The following PSMF1 variants were observed in gnomAD, a reference collection of about 807,000 sequenced individuals.
The protein encoded by PSMF1 is proteasome inhibitor subunit 1.
A neutral mutation model predicts 29.3 loss-of-function variants in PSMF1; 30 were observed. That is an observed-to-expected ratio of 1.02 (90% confidence interval 0.77 to 1.39). The LOEUF (loss-of-function observed/expected upper bound fraction) is 1.39. Ranked by LOEUF, PSMF1 falls within the 40% of genes most tolerant of loss-of-function variation. PSMF1 has a pLI of 0.00. For synonymous variants in PSMF1, 134 were observed against 139.7 expected, an observed-to-expected ratio of 0.96 and a Z score of 0.29; for missense variants, 344 against 357.5, an observed-to-expected ratio of 0.96 and a Z score of 0.31.
At chr20:1,143,528 A>G (rs767052129) in intron 4 of PSMF1, among the ~76,000 whole-genome samples, 11 of 152,234 alleles carry the variant, frequency 7.2e-5, no homozygotes, top group Non-Finnish European at 1.6e-4. Context: ...CAGCACTCCT[A>G]GAAGAAAACA....
intron 4 of PSMF1, chr20:1,161,437 T>G: frequency 2.3e-6 from 1 of 441,776 alleles, no homozygotes; most frequent in South Asian, 3.0e-5. Flanking sequence ...GATGTGGGCA[T>G]CCACAAGGAC....
Position 1,135,256 on chromosome 20 carries a change from C to T in PSMF1, c.501C>T (p.Asp167=). ...EFPPATAREV[D]PLRIPPHHPH... ...CCCCTGCTACCGCCAGAGAGGTGGA[C>T]CCACTCCGGATTCCTCCACACCACC... Residue 167 remains aspartate (D), a synonymous_variant, in exon 4 of 7, where the codon GAC becomes GAT. Transcript: ENST00000335877. The T allele has an allele frequency of 6.2e-7, 1 of 1,613,958 alleles. No individual in the cohort carries two copies. Among genetic ancestry groups the T allele is most frequent in the Non-Finnish European group, 8.5e-7 (1 of 1,179,924 alleles).
At chr20:1,134,636 T>G (rs1184981571) in intron 3 of PSMF1, among the ~76,000 whole-genome samples, 1 of 152,094 alleles carries the variant, frequency 6.6e-6, no homozygotes, top group Non-Finnish European at 1.5e-5. Flanking sequence ...GGACAGGTGG[T>G]AGGGGCAGCC....
At chr20:1,147,863 G>A (rs1310549532) in intron 4 of PSMF1, among the ~76,000 whole-genome samples, 1 of 152,168 alleles carries the variant, frequency 6.6e-6, no homozygotes, top group Non-Finnish European at 1.5e-5. Flanking sequence ...AGTTTTGGGG[G>A]GAGGCCACAG....
At chr20:1,127,562 A>G in intron 3 of PSMF1, 54 bp downstream of exon 3, 2 of 1,404,536 alleles carry the variant, frequency 1.4e-6, no homozygotes, top group Non-Finnish European at 2.0e-6. Flanking sequence ...ACTAATGGCA[A>G]GATATGAGGA....
At chr20:1,116,369 C>G (rs1435715502), upstream of PSMF1, among the ~76,000 whole-genome samples, 4 of 152,218 alleles carry the variant, frequency 2.6e-5, no homozygotes, top group Non-Finnish European at 5.9e-5. Flanking sequence ...TCCACAGCCA[C>G]TAGCTTTAGT....
chr20:1,149,110 T>A (rs2086492674), intron 4 of PSMF1, among the ~76,000 whole-genome samples: 1 of 152,262 alleles, frequency 6.6e-6, no homozygotes, highest in Non-Finnish European at 1.5e-5. Context: ...CATTTCTGCT[T>A]CTGCATTCAG....
At chr20:1,116,534 G>A (rs1257700350), upstream of PSMF1, among the ~76,000 whole-genome samples, 1 of 152,250 alleles carries the variant, frequency 6.6e-6, no homozygotes, top group African/African-American at 2.4e-5. Flanking sequence ...GGGAGTGATG[G>A]ACTATAAAGA....
chr20:1,145,090 C>T (rs150503749), intron 4 of PSMF1, among the ~76,000 whole-genome samples: 47 of 152,194 alleles, frequency 3.1e-4, no homozygotes, highest in African/African-American at 1.1e-3. Context: ...TTCACCATGT[C>T]GGGCAGGCTG....
Position 1,163,024 on chromosome 20 carries a change from G to T in PSMF1, c.552-106G>T. 8.4e-7 allele frequency: 1 copy of T among 1,187,604 alleles called. No homozygotes were observed. The highest frequency in any genetic ancestry group is 1.9e-5 in the Admixed American group (1 of 51,788). 73.6% of individuals were successfully genotyped at this position (1,187,604 alleles called of 1,614,324 possible). ...ACCCTGAAATATCCCTTGTGCTATG[G>T]TCTCATGCAAGGGTTTCCCATGCCT... On this transcript the variant is annotated intron_variant, in intron 4 of 6. Transcript: ENST00000335877. The surrounding 1 kb of genome is among the most constrained non-coding windows in gnomAD (Gnocchi z 6.1).
intron 2 of PSMF1, among the ~76,000 whole-genome samples, chr20:1,126,998 G>T (rs1346393904): frequency 2.0e-5 from 3 of 152,206 alleles, no homozygotes; most frequent in Non-Finnish European, 4.4e-5. Flanking sequence ...CCACTGCCCA[G>T]TATTAGATAC....
intron 4 of PSMF1, among the ~76,000 whole-genome samples, chr20:1,138,965 C>T (rs1234996365): frequency 1.3e-5 from 2 of 152,160 alleles, no homozygotes; most frequent in African/African-American, 4.8e-5. Context: ...TATTTGAGGT[C>T]GGGAGTTCAA....
In PSMF1 at chr20:1,165,968, C is replaced by T; in HGVS notation, c.*888C>T. The T allele has an allele frequency of 7.2e-7, 1 of 1,387,014 alleles. No individual in the cohort carries two copies. Among genetic ancestry groups the T allele is most frequent in the Non-Finnish European group, 9.4e-7 (1 of 1,069,480 alleles). 85.9% of individuals were successfully genotyped at this position (1,387,014 alleles called of 1,614,324 possible). ...TGGAGGTGGCTTTCCTGCTCTAAAG[C>T]ATTTTGATGTCTCATTCTGTGTTTG... On this transcript the variant is annotated 3_prime_UTR_variant, in exon 7 of 7. Transcript: ENST00000335877.
rs1432112014 is a variant in PSMF1 at position 1,166,330 on chromosome 20, TC to T, written c.*1252del. ...GCACGAGATCAAGGCGGTAGTCACT[TC>T]CGCTCTGCAGCTAGCATTTCAACCA... On this transcript the variant is annotated 3_prime_UTR_variant, in exon 7 of 7. Coordinates refer to ENST00000335877, the MANE Select transcript of PSMF1 (RefSeq NM_006814.5). The T allele has an allele frequency of 7.1e-6, 10 of 1,411,938 alleles. No homozygotes were observed. Among genetic ancestry groups the T allele is most frequent in the Non-Finnish European group, 8.9e-6 (9 of 1,006,294 alleles). 87.5% of individuals were successfully genotyped at this position (1,411,938 alleles called of 1,614,324 possible). A position where few individuals can be genotyped will look rare whatever the true frequency, so the allele number is the denominator to read the frequency against.
intron 4 of PSMF1, among the ~76,000 whole-genome samples, chr20:1,145,736 T>G (rs1045716249): frequency 2.0e-5 from 3 of 152,206 alleles, no homozygotes; most frequent in African/African-American, 7.2e-5. Context: ...GTCTTTGGTC[T>G]GAGGAGGCTT....
chr20:1,147,369 C>G (rs1165849962), intron 4 of PSMF1, among the ~76,000 whole-genome samples: 3 of 152,128 alleles, frequency 2.0e-5, no homozygotes, highest in Non-Finnish European at 2.9e-5. Flanking sequence ...AGCGTTATCT[C>G]GCTGGGAGGG....
chr20:1,140,126 G>T (rs1006661493), intron 4 of PSMF1, among the ~76,000 whole-genome samples: 7 of 152,174 alleles, frequency 4.6e-5, no homozygotes, highest in African/African-American at 1.7e-4. Context: ...AGGTAGAAAT[G>T]CAAGGGAACC....
intron 4 of PSMF1, among the ~76,000 whole-genome samples, chr20:1,159,080 A>G (rs2086633434): frequency 6.6e-6 from 1 of 151,814 alleles, no homozygotes; most frequent in Non-Finnish European, 1.5e-5. Context: ...AAGAAGAAGT[A>G]AATGGGTTCT....
rs1310502768 is a variant in PSMF1 at position 1,169,485 on chromosome 20, G to A, written c.*4405G>A. ...TCCAGATGAGCCACCTAAGGTGGAT[G>A]TTGTGAGAGTCACAGTGGGTTTAGA... On this transcript the variant is annotated 3_prime_UTR_variant, in exon 7 of 7. Transcript: ENST00000335877. Among the ~76,000 whole-genome samples, 2 of 152,356 alleles carry A rather than the reference G, an allele frequency of 1.3e-5. No homozygotes were observed. Among genetic ancestry groups the A allele is most frequent in the Middle Eastern group, 3.4e-3 (1 of 294 alleles).
Sources: allele counts gnomAD v4.1 joint callset (sites outside exome capture counted in the v4.1 genomes callset), GRCh38; gene constraint gnomAD v4.1.1; non-coding constraint Gnocchi (gnomAD v3.1); transcripts MANE v1.5; gene names NCBI Gene and HGNC (gene_info 2026-07-23, HGNC 2026-07-21).